The following ERG variants were observed in gnomAD, a reference collection of about 807,000 sequenced individuals.
The protein encoded by ERG is transcriptional regulator ERG.
ERG carries 9 observed loss-of-function variants against 55.3 expected under a neutral mutation model. That is an observed-to-expected ratio of 0.16 (90% CI 0.10 to 0.28). The LOEUF (loss-of-function observed/expected upper bound fraction) is 0.28, where lower values mean the gene tolerates loss of function less well. Among genes scored for constraint, ERG ranks in the 10% least tolerant of loss-of-function variants. ERG has a pLI of 1.00. For synonymous variants in ERG, 223 were observed against 237.3 expected (o/e 0.94, Z 0.55); for missense variants, 434 against 631.6 (o/e 0.69, Z 3.35).
At chr21:38,423,606 G>A (rs2146504226) in intron 2 of ERG, 45 bp from the exon 3 acceptor site, 1 of 1,564,044 alleles carries the variant, frequency 6.4e-7, no homozygotes, top group East Asian at 2.3e-5. Flanking sequence ...CAATCAAAGA[G>A]CATGTCTCCA....
intron 9 of ERG, among the ~76,000 whole-genome samples, chr21:38,390,678 ACT>A (rs1200576381): frequency 1.3e-5 from 2 of 152,088 alleles, no homozygotes; most frequent in Admixed American, 1.3e-4. Context: ...CCACCATGAC[ACT>A]CTGATTTCAG....
At chr21:38,549,801 G>A (rs1017172334) in intron 2 of ERG, among the ~76,000 whole-genome samples, 1 of 152,118 alleles carries the variant, frequency 6.6e-6, no homozygotes, top group African/African-American at 2.4e-5. Flanking sequence ...TTGCTCCATT[G>A]GAGAGGTGCA....
chr21:38,598,256 C>T (rs372155074), intron 1 of ERG, among the ~76,000 whole-genome samples: 11 of 152,346 alleles, frequency 7.2e-5, no homozygotes, highest in Non-Finnish European at 7.3e-5. Context: ...GCATCAGAAT[C>T]GCTGAGGCAT....
intron 1 of ERG, among the ~76,000 whole-genome samples, chr21:38,463,328 G>T (rs926062685): frequency 6.6e-6 from 1 of 152,112 alleles, no homozygotes; most frequent in African/African-American, 2.4e-5. Flanking sequence ...GGTGGTGAAG[G>T]CTCATTCTGC....
At chr21:38,527,034 G>A (rs1186591647) in intron 2 of ERG, among the ~76,000 whole-genome samples, 1 of 152,144 alleles carries the variant, frequency 6.6e-6, no homozygotes, top group Non-Finnish European at 1.5e-5. Context: ...GACTGAATAC[G>A]TCTGCATCCT....
At chr21:38,484,920 T>C (rs2059269354) in intron 1 of ERG, among the ~76,000 whole-genome samples, 1 of 152,120 alleles carries the variant, frequency 6.6e-6, no homozygotes, top group African/African-American at 2.4e-5. Flanking sequence ...TAATAGTTGA[T>C]AATGATAATA....
In ERG at chr21:38,469,174, C is replaced by A. The variant is rs78852797; in HGVS notation, c.19-23553G>T. Reference sequence around the variant, plus strand: ...AATGGTTTCAGTCAGAGAATCCAAGCAACTTATGCTAAAGTCCAGCCTCAT... The same window carrying A: ...AATGGTTTCAGTCAGAGAATCCAAGAAACTTATGCTAAAGTCCAGCCTCAT... On this transcript the variant is annotated intron_variant, in intron 1 of 9. Coordinates refer to ENST00000288319, the MANE Select transcript of ERG (RefSeq NM_182918.4). Among the ~76,000 whole-genome samples, 1,037 of 152,060 alleles carry A rather than the reference C, an allele frequency of 6.8e-3. 11 individuals carry two copies. The highest frequency in any genetic ancestry group is 0.023 in the African/African-American group (967 of 41,472).
intron 2 of ERG, among the ~76,000 whole-genome samples, chr21:38,504,932 G>T (rs1241343337): frequency 6.6e-6 from 1 of 152,118 alleles, no homozygotes; most frequent in Admixed American, 6.5e-5. Flanking sequence ...TATTTTTAAA[G>T]AAAATACAGA....
At position 38,383,622 on chromosome 21, in the gene ERG, A is replaced by C; in HGVS notation, c.1221T>G (p.Ser407=). 6.2e-7 allele frequency: 1 copy of C among 1,613,610 alleles called. No individual in the cohort carries two copies. The highest frequency in any genetic ancestry group is 1.1e-5 in the South Asian group (1 of 91,070). Residue 407 remains serine, a synonymous_variant, in exon 10 of 10, where the codon TCT becomes TCG. Transcript: ENST00000288319. The surrounding 1 kb of genome is among the most constrained non-coding windows in gnomAD (Gnocchi z 5.7). ...QALQPHPPES[S]LYKYPSDLPY... is the part of the protein sequence containing the mutation. ...GGAGGTCTGAGGGGTACTTGTACAG[A>C]GATGACTCCGGGGGGTGGGGCTGGA... is the stretch of plus-strand genomic sequence containing the variant.
intron 2 of ERG, among the ~76,000 whole-genome samples, chr21:38,441,190 G>A (rs944024464): frequency 6.6e-6 from 1 of 152,226 alleles, no homozygotes; most frequent in African/African-American, 2.4e-5. Flanking sequence ...GATGAGTGCA[G>A]CATCCCTGGA....
At chr21:38,429,515 ATACATGTATG>A (rs1569092322) in intron 2 of ERG, among the ~76,000 whole-genome samples, 3 of 131,382 alleles carry the variant, frequency 2.3e-5, no homozygotes, top group African/African-American at 8.2e-5. Flanking sequence ...ATATGTGTAT[ATACATGTATG>A]CACATGTACA....
At chr21:38,610,676 C>T (rs1194500070) in intron 1 of ERG, among the ~76,000 whole-genome samples, 3 of 152,202 alleles carry the variant, frequency 2.0e-5, no homozygotes, top group African/African-American at 7.2e-5. Flanking sequence ...AGCAATCATT[C>T]TGTGCTGTGG....
chr21:38,450,239 G>A (rs12627288), intron 1 of ERG, among the ~76,000 whole-genome samples: 8,921 of 151,538 alleles, frequency 0.059, 347 homozygotes, highest in South Asian at 0.12. Context: ...ATAGCCAGGC[G>A]TGATGGTGGG....
chr21:38,498,635 AT>A (rs879584048), upstream of ERG: 15,467 of 305,540 alleles, frequency 0.051, 190 homozygotes, highest in African/African-American at 0.097. The surrounding 1 kb of genome is among the most constrained non-coding windows in gnomAD (Gnocchi z 4.6). Flanking sequence ...CAGCCAGGAG[AT>A]TTTTTTTTTT....
intron 1 of ERG, among the ~76,000 whole-genome samples, chr21:38,457,489 T>C (rs1202331889): frequency 2.0e-5 from 3 of 151,742 alleles, no homozygotes; most frequent in African/African-American, 7.3e-5. Flanking sequence ...GAGTCATTCA[T>C]ATCCAAACCA....
In ERG at chr21:38,503,861, G is replaced by C. The variant is rs187537867; in HGVS notation, c.-41+71801C>G. 1.9e-3 allele frequency among the ~76,000 whole-genome samples: 296 copies of C among 152,256 alleles called. 2 individuals carry two copies. The highest frequency in any genetic ancestry group is 7.0e-3 in the African/African-American group (289 of 41,538). On this transcript the variant is annotated intron_variant, in intron 2 of 8. Transcript: ENST00000398897. ...TCCATCTGCAGCAGTCGGAGGATTT[G>C]CCTGAGAACATACGCGGCATGAAGA... is the stretch of plus-strand genomic sequence containing the variant.
Position 38,460,746 on chromosome 21 carries a change from C to T in ERG, c.19-15125G>A, listed in dbSNP as rs985828060. ...GACTTGTGGCAACTGAAAGGAATAA[C>T]GGCACCAAAGTATTCCCCTGCCCTG... On this transcript the variant is annotated intron_variant, in intron 1 of 9. Transcript: ENST00000288319. This position sits in a 1 kb window ranked among gnomAD's most constrained non-coding sequence, Gnocchi z 5.0. 7.2e-5 allele frequency among the ~76,000 whole-genome samples: 11 copies of T among 152,196 alleles called. No individual in the cohort carries two copies. Among genetic ancestry groups the T allele is most frequent in the African/African-American group, 1.2e-4 (5 of 41,464 alleles).
intron 2 of ERG, among the ~76,000 whole-genome samples, chr21:38,442,132 G>A (rs7277256): frequency 0.074 from 11,293 of 152,242 alleles, 466 homozygotes; most frequent in South Asian, 0.11. Context: ...AAGGCCGGGC[G>A]CGGTGGCTAA....
At chr21:38,392,259 CA>C (rs2065143216) in intron 7 of ERG, 116 bp downstream of exon 7, 5 of 869,326 alleles carry the variant, frequency 5.8e-6, no homozygotes, top group Non-Finnish European at 9.5e-6. Flanking sequence ...GTCAATGGAA[CA>C]AACCCATCAC....
Sources: gnomAD v4.1 joint callset for allele counts (sites outside exome capture counted in the v4.1 genomes callset) on GRCh38, gnomAD v4.1.1 for gene constraint, Gnocchi (gnomAD v3.1) non-coding constraint, MANE v1.5 for transcripts, NCBI Gene and HGNC (gene_info 2026-07-23, HGNC 2026-07-21) for gene names.